FOXP2: variants seen among roughly 807,000 people sequenced by gnomAD.
FOXP2 encodes forkhead box P2.
A neutral mutation model predicts 115.8 loss-of-function variants in FOXP2; 12 were observed. The ratio of observed to expected loss-of-function variants is 0.10; its 90% CI spans 0.07 to 0.17. FOXP2 has a LOEUF of 0.17. FOXP2 is among the 10% of genes least tolerant of loss of function. The pLI is 1.00. For synonymous variants in FOXP2, 328 were observed against 297.7 expected (o/e 1.10, Z -1.05); for missense variants, 629 against 843.5 (o/e 0.75, Z 3.15).
intron 1 of FOXP2, among the ~76,000 whole-genome samples, chr7:114,094,047 A>T (rs1415648354): frequency 6.6e-6 from 1 of 152,218 alleles, no homozygotes; most frequent in Non-Finnish European, 1.5e-5. Context: ...ATGGGGAAAG[A>T]TGGAGGGAAA....
At chr7:114,597,875 T>G (rs564747694) in intron 3 of FOXP2, among the ~76,000 whole-genome samples, 24 of 152,270 alleles carry the variant, frequency 1.6e-4, no homozygotes, top group Admixed American at 1.3e-3. Context: ...AACGTGCACT[T>G]GTGCACCTAC....
intron 3 of FOXP2, among the ~76,000 whole-genome samples, chr7:114,578,400 G>A (rs974897582): frequency 3.3e-5 from 5 of 151,826 alleles, no homozygotes; most frequent in Admixed American, 1.3e-4. Flanking sequence ...GCTAAAAGGG[G>A]CCTTATAGTT....
intron 3 of FOXP2, among the ~76,000 whole-genome samples, chr7:114,575,288 T>TAAC (rs919373250): frequency 1.4e-4 from 21 of 151,946 alleles, no homozygotes; most frequent in Middle Eastern, 3.4e-3. Flanking sequence ...CCATAATGAC[T>TAAC]AACACATAGT....
At chr7:114,606,493 C>A (rs556600895) in intron 3 of FOXP2, among the ~76,000 whole-genome samples, 4 of 152,298 alleles carry the variant, frequency 2.6e-5, no homozygotes, top group Non-Finnish European at 4.4e-5. Context: ...CTCTCATCTT[C>A]TTCTGCAACA....
At chr7:114,649,487 T>C (rs1806114460) in intron 8 of FOXP2, among the ~76,000 whole-genome samples, 1 of 151,994 alleles carries the variant, frequency 6.6e-6, no homozygotes, top group East Asian at 1.9e-4. Flanking sequence ...TCATTCTTGA[T>C]TTATAAATCA....
chr7:114,585,604 G>A (rs1450340665), intron 3 of FOXP2, among the ~76,000 whole-genome samples: 1 of 149,060 alleles, frequency 6.7e-6, no homozygotes, highest in Middle Eastern at 3.7e-3. Flanking sequence ...GGTGGCTCAC[G>A]CCTGAATCCC....
intron 1 of FOXP2, among the ~76,000 whole-genome samples, chr7:114,268,732 ATG>A (rs1562845760): frequency 7.6e-6 from 1 of 131,098 alleles, no homozygotes; most frequent in African/African-American, 2.8e-5. Context: ...GTGTGTGTGT[ATG>A]TGTGTATTTT....
chr7:114,298,764 C>T (rs565046047), intron 2 of FOXP2, among the ~76,000 whole-genome samples: 2 of 152,292 alleles, frequency 1.3e-5, no homozygotes, highest in South Asian at 2.1e-4. Flanking sequence ...GCCTGAAACA[C>T]AGTATGTATT....
chr7:114,245,851 TTC>T (rs1357045789), intron 1 of FOXP2, among the ~76,000 whole-genome samples: 2 of 149,610 alleles, frequency 1.3e-5, no homozygotes, highest in African/African-American at 5.1e-5. Context: ...AAAGTTTTTT[TTC>T]CTTGCGTATT....
chr7:114,668,644 T>A (rs1394086870), intron 16 of FOXP2: 1 of 152,218 alleles, frequency 6.6e-6, no homozygotes, highest in Admixed American at 6.5e-5. Flanking sequence ...TTTGTGTACA[T>A]GTGTGAGTGT....
intron 2 of FOXP2, among the ~76,000 whole-genome samples, chr7:114,522,755 C>T (rs1798683694): frequency 6.6e-6 from 1 of 152,068 alleles, no homozygotes; most frequent in South Asian, 2.1e-4. Context: ...ACTCGTATCA[C>T]ATTATAATGT....
upstream of FOXP2, chr7:114,162,841 T>C (rs1475804441): frequency 1.3e-5 from 2 of 152,034 alleles, no homozygotes; most frequent in Non-Finnish European, 2.9e-5. Context: ...GTTCACCTCA[T>C]ATCCAACAGA....
chr7:114,183,392 A>C (rs1004886140), intron 1 of FOXP2, among the ~76,000 whole-genome samples: 2 of 152,206 alleles, frequency 1.3e-5, no homozygotes, highest in South Asian at 2.1e-4. Context: ...ATTATATTTC[A>C]CTCTTATATA....
chr7:114,518,236 T>C (rs1212580119), intron 2 of FOXP2, among the ~76,000 whole-genome samples: 1 of 152,280 alleles, frequency 6.6e-6, no homozygotes, highest in Admixed American at 6.5e-5. Flanking sequence ...TATTTCAAAA[T>C]ATACTTTTAA....
intron 3 of FOXP2, among the ~76,000 whole-genome samples, chr7:114,603,379 T>A (rs1013295206): frequency 6.6e-6 from 1 of 152,230 alleles, no homozygotes; most frequent in African/African-American, 2.4e-5. Flanking sequence ...ATTAAGGGAA[T>A]TCATGAAAAC....
chr7:114,514,313 C>T (rs1037476811), intron 2 of FOXP2, among the ~76,000 whole-genome samples: 1 of 151,988 alleles, frequency 6.6e-6, no homozygotes, highest in Non-Finnish European at 1.5e-5. Context: ...TTATACTATA[C>T]TTTGTCATTA....
At chr7:114,321,974 A>G (rs1797433360) in intron 2 of FOXP2, among the ~76,000 whole-genome samples, 3 of 151,244 alleles carry the variant, frequency 2.0e-5, no homozygotes, top group African/African-American at 7.3e-5. Context: ...TCTGTTGATG[A>G]TTTTATTATT....
intron 3 of FOXP2, among the ~76,000 whole-genome samples, chr7:114,543,675 C>A (rs1799789850): frequency 6.6e-6 from 1 of 152,090 alleles, no homozygotes; most frequent in Non-Finnish European, 1.5e-5. Flanking sequence ...ATCTGAAGAC[C>A]AGATCAACTT....
intron 2 of FOXP2, among the ~76,000 whole-genome samples, chr7:114,359,702 T>C (rs1215193478): frequency 1.3e-5 from 2 of 152,220 alleles, no homozygotes; most frequent in African/African-American, 2.4e-5. Context: ...AGCACTGGAT[T>C]TCAGACTTGC....
Sources: allele counts gnomAD v4.1 joint callset (sites outside exome capture counted in the v4.1 genomes callset), GRCh38; gene constraint gnomAD v4.1.1; transcripts MANE v1.5; gene names NCBI Gene and HGNC (gene_info 2026-07-23, HGNC 2026-07-21).